APH1B: variants seen among roughly 807,000 people sequenced by gnomAD.
APH1B encodes aph-1B gamma-secretase subunit.
Under a neutral mutation model 28.2 loss-of-function variants are expected in APH1B, and 27 were observed. That is an observed-to-expected ratio of 0.96 (90% CI 0.70 to 1.32). APH1B has a LOEUF of 1.32. Among genes scored for constraint, APH1B ranks in the 40% most tolerant of loss-of-function variants. The probability of loss-of-function intolerance (pLI) is 0.00; values close to 1 mark genes in which losing one functional copy is unlikely to be tolerated. For missense variants in APH1B, 305 were observed against 313.6 expected, an observed-to-expected ratio of 0.97 and a Z score of 0.21; for synonymous variants, 141 against 124.6, an observed-to-expected ratio of 1.13 and a Z score of -0.88.
At position 63,285,843 on chromosome 15, in the gene APH1B, C is replaced by T. The variant is rs375299024; in HGVS notation, c.285-715C>T. The stretch of plus-strand genomic sequence containing the variant: ...GTTCTGAGGGTAGCATTTTATTCTG[C>T]AAGATACAACGAAAGTATCAGATCA... On this transcript the variant is annotated intron_variant, in intron 2 of 5. Transcript: ENST00000261879. Among the ~76,000 whole-genome samples, 121 of 152,250 alleles carry T rather than the reference C, an allele frequency of 7.9e-4. 1 individual carries two copies. In the South Asian group the frequency reaches 0.022, roughly 28 times the overall value.
chr15:63,304,791 A>T lies in APH1B; in HGVS notation c.607-823A>T, dbSNP rs1888904648. Among the ~76,000 whole-genome samples, 1 of 152,248 alleles carries T rather than the reference A, an allele frequency of 6.6e-6. No homozygotes were observed. The highest frequency in any genetic ancestry group is 2.4e-5 in the African/African-American group (1 of 41,466). ...AGAGAAGAACAATACAAAACAGTGCAGCACTCTGTAAAATGAGTTAAAATT... is the reference window on the plus strand; with the variant it reads ...AGAGAAGAACAATACAAAACAGTGCTGCACTCTGTAAAATGAGTTAAAATT... On this transcript the variant is annotated intron_variant, in intron 5 of 5. Transcript: ENST00000261879. This position sits in a 1 kb window ranked among gnomAD's most constrained non-coding sequence, Gnocchi z 5.1.
chr15:63,289,994 C>T (rs961104934), intron 4 of APH1B, among the ~76,000 whole-genome samples: 2 of 151,194 alleles, frequency 1.3e-5, no homozygotes, highest in African/African-American at 4.9e-5. Flanking sequence ...CAGAGGGATA[C>T]TCTGTTTCAA....
intron 4 of APH1B, among the ~76,000 whole-genome samples, chr15:63,295,661 T>C (rs994972515): frequency 3.3e-5 from 5 of 152,144 alleles, no homozygotes; most frequent in Admixed American, 3.3e-4. Flanking sequence ...CTCTGTCCAC[T>C]AGATGCCAGA....
Position 63,308,446 on chromosome 15 carries a change from T to G in APH1B, c.*2665T>G, listed in dbSNP as rs1212671866. 1 of 152,224 alleles carries G rather than the reference T, an allele frequency of 6.6e-6. No homozygotes were observed. The highest frequency in any genetic ancestry group is 1.5e-5 in the Non-Finnish European group (1 of 68,034). The allele number at this position is 152,224 out of a possible 1,614,324, so 9.4% of individuals were successfully genotyped here. A position where few individuals can be genotyped will look rare whatever the true frequency, so the allele number is the denominator to read the frequency against. On this transcript the variant is annotated 3_prime_UTR_variant, in exon 6 of 6. Transcript: ENST00000261879. ...TTAATGAAAACATGGATGAAAGGAATTAATGATGATATCTGCAGACTGCGT... is the reference window on the plus strand; with the variant it reads ...TTAATGAAAACATGGATGAAAGGAAGTAATGATGATATCTGCAGACTGCGT...
intron 4 of APH1B, among the ~76,000 whole-genome samples, chr15:63,295,816 A>T (rs543480355): frequency 7.2e-5 from 11 of 152,352 alleles, no homozygotes; most frequent in African/African-American, 2.6e-4. Flanking sequence ...GAACTTTCTC[A>T]TAGTGGCCAT....
intron 2 of APH1B, among the ~76,000 whole-genome samples, chr15:63,279,677 A>C (rs2038364449): frequency 6.6e-6 from 1 of 152,240 alleles, no homozygotes; most frequent in Non-Finnish European, 1.5e-5. Flanking sequence ...AACAAGAAAT[A>C]CACTGGTATA....
chr15:63,302,625 A>C (rs998691468), intron 5 of APH1B, 153 bp downstream of exon 5: 4 of 1,036,738 alleles, frequency 3.9e-6, no homozygotes, highest in Non-Finnish European at 5.2e-6. Context: ...TGTAAGTCTT[A>C]CCACAAAAAG....
chr15:63,304,263 G>T lies in APH1B; in HGVS notation c.607-1351G>T, dbSNP rs1421450660. ...AGCGTCATGGTCACCCTCAGTGGGG[G>T]CAGGGACTGGTGGAACAGGGAGGCT... On this transcript the variant is annotated intron_variant, in intron 5 of 5. Coordinates refer to ENST00000261879, the MANE Select transcript of APH1B (RefSeq NM_031301.4). The surrounding 1 kb of genome is among the most constrained non-coding windows in gnomAD (Gnocchi z 5.1). 2.6e-5 allele frequency among the ~76,000 whole-genome samples: 4 copies of T among 152,304 alleles called. No homozygotes were observed. In the East Asian group the frequency reaches 7.7e-4, roughly 29 times the overall value.
chr15:63,301,970 T>C (rs573780317), intron 4 of APH1B, among the ~76,000 whole-genome samples: 1 of 152,350 alleles, frequency 6.6e-6, no homozygotes, highest in South Asian at 2.1e-4. Context: ...AATTCCACTT[T>C]AGTGAGGAGC....
At chr15:63,297,954 T>C (rs368174352) in intron 4 of APH1B, among the ~76,000 whole-genome samples, 8 of 152,182 alleles carry the variant, frequency 5.3e-5, no homozygotes, top group Non-Finnish European at 1.0e-4. Context: ...TTTTAATACA[T>C]GTCCAAGGGA....
rs770590768 is a variant in APH1B at position 63,305,757 on chromosome 15, T to C, written c.750T>C (p.Leu250=). ...LCLLCQDKNF[L]LYNQRSR ...TGCTCTGCCAAGACAAGAACTTTCT[T>C]CTTTACAACCAGCGCTCCAGATAAC... The change falls in exon 6 of 6, where the codon CTT becomes CTC. Residue 250 remains leucine, a synonymous_variant. Coordinates refer to ENST00000261879, the MANE Select transcript of APH1B (RefSeq NM_031301.4). The C allele has an allele frequency of 2.5e-6, 4 of 1,614,012 alleles. No individual in the cohort carries two copies. In the Admixed American group the frequency reaches 6.7e-5, roughly 27 times the overall value.
intron 1 of APH1B, among the ~76,000 whole-genome samples, chr15:63,278,868 T>C (rs2038354234): frequency 1.3e-5 from 2 of 152,232 alleles, no homozygotes; most frequent in African/African-American, 4.8e-5. Context: ...AGTTTCTAGC[T>C]AGATAGTCCT....
At position 63,307,179 on chromosome 15, in the gene APH1B, T is replaced by C. The variant is rs1252528925; in HGVS notation, c.*1398T>C. The C allele has an allele frequency of 2.7e-5, 4 of 150,928 alleles. No individual in the cohort carries two copies. Among genetic ancestry groups the C allele is most frequent in the African/African-American group, 9.8e-5 (4 of 40,920 alleles). The allele number at this position is 150,928 out of a possible 1,614,324, so 9.3% of individuals were successfully genotyped here. On this transcript the variant is annotated 3_prime_UTR_variant, in exon 6 of 6. Transcript: ENST00000261879. ...CAGCAATCCTGAGGGGCTGGGGGAG[T>C]GACAGTGGCAGGACGGATGGGCGGG...
intron 3 of APH1B, 43 bp downstream of exon 3, chr15:63,286,671 C>T (rs765186743): frequency 6.6e-6 from 10 of 1,525,946 alleles, no homozygotes; most frequent in Non-Finnish European, 8.9e-6. Flanking sequence ...AAAAATCATA[C>T]TTGGCATAAA....
intron 4 of APH1B, among the ~76,000 whole-genome samples, chr15:63,289,435 A>G (rs186344795): frequency 6.5e-4 from 99 of 152,330 alleles, no homozygotes; most frequent in East Asian, 3.5e-3. Flanking sequence ...CTCCATTACA[A>G]ATGCCTAAAT....
chr15:63,283,123 C>T (rs1229331506), intron 2 of APH1B, among the ~76,000 whole-genome samples: 1 of 152,180 alleles, frequency 6.6e-6, no homozygotes, highest in Non-Finnish European at 1.5e-5. Flanking sequence ...TAGTTTTCCT[C>T]CCACGTACTT....
chr15:63,302,674 A>AT lies in APH1B; in HGVS notation c.606+209dup, dbSNP rs534969407. Among the ~76,000 whole-genome samples, 25 of 152,056 alleles carry AT rather than the reference A, an allele frequency of 1.6e-4. No individual in the cohort carries two copies. In the East Asian group the frequency reaches 4.6e-3, roughly 28 times the overall value. On this transcript the variant is annotated intron_variant, in intron 5 of 5. Coordinates refer to ENST00000261879, the MANE Select transcript of APH1B (RefSeq NM_031301.4). ...ATTTTTTGGTGTGTCTTATTGAAAT[A>AT]TTTTTTTCCCTGCTGTTTATTTGCA...
At chr15:63,288,410 G>A (rs2038470204) in intron 4 of APH1B, among the ~76,000 whole-genome samples, 1 of 152,174 alleles carries the variant, frequency 6.6e-6, no homozygotes, top group African/African-American at 2.4e-5. Context: ...ATGTCATAGT[G>A]ATCCCCAAGC....
chr15:63,293,648 C>A (rs1041059229), intron 4 of APH1B, among the ~76,000 whole-genome samples: 2 of 152,160 alleles, frequency 1.3e-5, no homozygotes, highest in African/African-American at 4.8e-5. Flanking sequence ...CAGGAGTGCG[C>A]CACCCTGCGC....
Sources: gnomAD v4.1 joint callset for allele counts (sites outside exome capture counted in the v4.1 genomes callset) on GRCh38, gnomAD v4.1.1 for gene constraint, Gnocchi (gnomAD v3.1) non-coding constraint, MANE v1.5 for transcripts, NCBI Gene and HGNC (gene_info 2026-07-23, HGNC 2026-07-21) for gene names.